NUBPL: variants seen among roughly 807,000 people sequenced by gnomAD.
The protein encoded by NUBPL is iron-sulfur cluster transfer protein NUBPL.
Under a neutral mutation model 45.7 loss-of-function variants are expected in NUBPL, and 31 were observed. The observed-to-expected ratio is 0.68, with a 90% CI of 0.51 to 0.92. The LOEUF (loss-of-function observed/expected upper bound fraction) is 0.92. Ranked by LOEUF, NUBPL falls within the 40% of genes least tolerant of loss-of-function variation. NUBPL has a pLI of 0.00. For synonymous variants in NUBPL, 144 were observed against 140.9 expected, an observed-to-expected ratio of 1.02 and a Z score of -0.15; for missense variants, 401 against 398.7, an observed-to-expected ratio of 1.01 and a Z score of -0.05.
intron 7 of NUBPL, among the ~76,000 whole-genome samples, chr14:31,801,970 A>T (rs2039599357): frequency 6.6e-6 from 1 of 152,218 alleles, no homozygotes; most frequent in African/African-American, 2.4e-5. Flanking sequence ...AAGTTGCCCT[A>T]ACAGTTTGGT....
intron 3 of NUBPL, among the ~76,000 whole-genome samples, chr14:31,586,244 T>A (rs1057018861): frequency 6.6e-6 from 1 of 152,188 alleles, no homozygotes; most frequent in East Asian, 1.9e-4. Context: ...GACCGATATA[T>A]TAATACATAT....
chr14:31,622,684 A>G (rs2035097089), intron 4 of NUBPL, among the ~76,000 whole-genome samples: 1 of 152,192 alleles, frequency 6.6e-6, no homozygotes, highest in Non-Finnish European at 1.5e-5. Flanking sequence ...CAGCTTCCAC[A>G]TGCTGTTGGG....
At chr14:31,756,999 A>G (rs2038681318) in intron 6 of NUBPL, among the ~76,000 whole-genome samples, 1 of 151,876 alleles carries the variant, frequency 6.6e-6, no homozygotes, top group Non-Finnish European at 1.5e-5. Flanking sequence ...ATGCTGGATT[A>G]CATTTATTAA....
chr14:31,717,450 T>G lies in NUBPL; in HGVS notation c.513+43876T>G, dbSNP rs181465154. Among the ~76,000 whole-genome samples, 348 of 152,310 alleles carry G rather than the reference T, an allele frequency of 2.3e-3. 1 individual carries two copies. The highest frequency in any genetic ancestry group is 8.0e-3 in the African/African-American group (332 of 41,572). On this transcript the variant is annotated intron_variant, in intron 6 of 10. Coordinates refer to ENST00000281081, the MANE Select transcript of NUBPL (RefSeq NM_025152.3). ...CTTTATACATGCTGCTTCCTGTGCC[T>G]TCTTTTCCCTACCTCTACCTGGTTG...
At chr14:31,683,018 C>T (rs1288109079) in intron 6 of NUBPL, among the ~76,000 whole-genome samples, 2 of 134,052 alleles carry the variant, frequency 1.5e-5, no homozygotes, top group East Asian at 2.2e-4. Flanking sequence ...TGCTAGGTTC[C>T]TTTTTTTTTT....
At chr14:31,852,361 A>C (rs1180605692) in intron 10 of NUBPL, among the ~76,000 whole-genome samples, 1 of 152,036 alleles carries the variant, frequency 6.6e-6, no homozygotes, top group Non-Finnish European at 1.5e-5. Flanking sequence ...AGTAAATATC[A>C]CTCTTTGATG....
intron 7 of NUBPL, among the ~76,000 whole-genome samples, chr14:31,822,202 T>C (rs140896790): frequency 4.0e-4 from 61 of 152,276 alleles, no homozygotes; most frequent in African/African-American, 1.4e-3. Flanking sequence ...GTATTGGTTA[T>C]AACACAAAAG....
At chr14:31,758,549 A>G (rs2038726157) in intron 6 of NUBPL, among the ~76,000 whole-genome samples, 1 of 152,166 alleles carries the variant, frequency 6.6e-6, no homozygotes, top group African/African-American at 2.4e-5. Context: ...TTATATCCAG[A>G]TAAGCAGAGA....
intron 4 of NUBPL, among the ~76,000 whole-genome samples, chr14:31,652,475 A>G (rs971573969): frequency 6.6e-6 from 1 of 152,228 alleles, no homozygotes; most frequent in Non-Finnish European, 1.5e-5. Context: ...TGACAAGCTT[A>G]TATTAATAAG....
At position 31,608,759 on chromosome 14, in the gene NUBPL, C is replaced by T. The variant is rs139848914; in HGVS notation, c.382+9380C>T. The stretch of plus-strand genomic sequence containing the variant: ...ATGCTGCCACTGATCTGACAGGAGG[C>T]GGAACTCAGACAGTAATGTTCCCTT... On this transcript the variant is annotated intron_variant, in intron 4 of 10. Transcript: ENST00000281081. 2.3e-3 allele frequency among the ~76,000 whole-genome samples: 351 copies of T among 152,158 alleles called. 2 individuals are homozygous for T. Among genetic ancestry groups the T allele is most frequent in the African/African-American group, 7.2e-3 (298 of 41,510 alleles).
At chr14:31,759,331 G>T (rs1019126655) in intron 6 of NUBPL, among the ~76,000 whole-genome samples, 6 of 151,918 alleles carry the variant, frequency 3.9e-5, no homozygotes, top group Non-Finnish European at 7.4e-5. Flanking sequence ...TTCTCTTTTG[G>T]AATTACCTTT....
chr14:31,737,964 C>G (rs1189148681), intron 6 of NUBPL, among the ~76,000 whole-genome samples: 1 of 151,950 alleles, frequency 6.6e-6, no homozygotes, highest in Admixed American at 6.6e-5. Flanking sequence ...TATTTGTAAG[C>G]ACACTTTTCA....
chr14:31,718,869 T>A (rs1266784415), intron 6 of NUBPL, among the ~76,000 whole-genome samples: 1 of 152,206 alleles, frequency 6.6e-6, no homozygotes, highest in Non-Finnish European at 1.5e-5. Flanking sequence ...CCTGAGTAAT[T>A]GAAATTGAGT....
At chr14:31,766,887 A>G (rs915146349) in intron 6 of NUBPL, among the ~76,000 whole-genome samples, 1 of 152,152 alleles carries the variant, frequency 6.6e-6, no homozygotes, top group Non-Finnish European at 1.5e-5. Context: ...TTCCTCCCAG[A>G]TTATTTTATG....
At chr14:31,753,946 A>T (rs1045410808) in intron 6 of NUBPL, among the ~76,000 whole-genome samples, 1 of 152,214 alleles carries the variant, frequency 6.6e-6, no homozygotes, top group African/African-American at 2.4e-5. Flanking sequence ...GAAAAATGCT[A>T]AGACAGTAGA....
intron 9 of NUBPL, among the ~76,000 whole-genome samples, chr14:31,849,380 A>G (rs6571471): frequency 0.16 from 25,073 of 152,036 alleles, 6,172 homozygotes; most frequent in African/African-American, 0.54. Flanking sequence ...GATAGACTTC[A>G]TTTGTGATAG....
intron 3 of NUBPL, among the ~76,000 whole-genome samples, chr14:31,581,237 G>A (rs1004644956): frequency 7.2e-6 from 1 of 138,396 alleles, no homozygotes; most frequent in Non-Finnish European, 1.5e-5. Flanking sequence ...GGTAAAATAT[G>A]CATAATATAA....
chr14:31,839,049 A>G (rs1203767457), intron 8 of NUBPL, among the ~76,000 whole-genome samples: 1 of 152,206 alleles, frequency 6.6e-6, no homozygotes, highest in African/African-American at 2.4e-5. Context: ...TTGGTTTTAT[A>G]GAATATTTTC....
chr14:31,708,957 G>C (rs559849104), intron 6 of NUBPL, among the ~76,000 whole-genome samples: 1 of 152,292 alleles, frequency 6.6e-6, no homozygotes, highest in Non-Finnish European at 1.5e-5. Context: ...GCCCTACCGG[G>C]TGATTGGCCT....
Sources: allele counts gnomAD v4.1 joint callset (sites outside exome capture counted in the v4.1 genomes callset), GRCh38; gene constraint gnomAD v4.1.1; transcripts MANE v1.5; gene names NCBI Gene and HGNC (gene_info 2026-07-23, HGNC 2026-07-21).